Variants in SNX29 observed in about 807,000 individuals in gnomAD.
SNX29 encodes the protein sorting nexin 29.
SNX29 carries 78 observed loss-of-function variants against 102.1 expected under a neutral mutation model. That is an observed-to-expected ratio of 0.76 (90% CI 0.64 to 0.92). SNX29 has a LOEUF of 0.92. Ranked by LOEUF, SNX29 falls within the 40% of genes least tolerant of loss-of-function variation. The pLI is 0.00. For synonymous variants in SNX29, 580 were observed against 414.5 expected (o/e 1.40, Z -4.85); for missense variants, 1,280 against 1,061.7 (o/e 1.21, Z -2.86).
At chr16:12,528,499 C>A (rs1418848798) in intron 20 of SNX29, among the ~76,000 whole-genome samples, 2 of 152,220 alleles carry the variant, frequency 1.3e-5, no homozygotes, top group African/African-American at 4.8e-5. Context: ...CACCCCCAGC[C>A]TAGCTTCTCT....
chr16:12,180,241 G>A (rs1186836545), intron 13 of SNX29, among the ~76,000 whole-genome samples: 2 of 151,772 alleles, frequency 1.3e-5, no homozygotes, highest in African/African-American at 2.4e-5. Flanking sequence ...CTTCTAGGTT[G>A]GTCTTCATTT....
rs571521753 is a variant in SNX29 at position 12,555,010 on chromosome 16, A to T, written c.2319-13496A>T. ...GAGCACCTTTCTTTCTTGCAGAGGC[A>T]GGCAGGAGTGTGCCTGCCTGGTGCC... On this transcript the variant is annotated intron_variant, in intron 20 of 20. Coordinates refer to ENST00000566228, the MANE Select transcript of SNX29 (RefSeq NM_032167.5). 1.4e-4 allele frequency among the ~76,000 whole-genome samples: 21 copies of T among 152,164 alleles called. No individual in the cohort carries two copies. The East Asian group carries it at 3.1e-3, about 23-fold the overall frequency.
chr16:12,031,603 G>T (rs997294861), intron 4 of SNX29, among the ~76,000 whole-genome samples: 1 of 151,214 alleles, frequency 6.6e-6, no homozygotes, highest in Non-Finnish European at 1.5e-5. Flanking sequence ...TCAGGAAATC[G>T]AGACCATCCT....
intron 13 of SNX29, among the ~76,000 whole-genome samples, chr16:12,157,156 G>A (rs1296624972): frequency 6.6e-6 from 1 of 152,172 alleles, no homozygotes; most frequent in East Asian, 1.9e-4. Context: ...ATGCCTCGCA[G>A]TCGCCTCGGA....
intron 4 of SNX29, among the ~76,000 whole-genome samples, chr16:12,037,791 G>GAA (rs3971422): frequency 3.6e-5 from 5 of 140,770 alleles, no homozygotes; most frequent in Non-Finnish European, 1.6e-5. Flanking sequence ...CGTCTCTACA[G>GAA]AAAAAAAAAA....
chr16:12,484,618 A>C (rs892022408), intron 19 of SNX29, among the ~76,000 whole-genome samples: 2 of 150,032 alleles, frequency 1.3e-5, no homozygotes, highest in African/African-American at 4.9e-5. Context: ...CTGGTGTCCT[A>C]AGACATCTAC....
At chr16:12,245,972 A>T (rs937153231) in intron 14 of SNX29, among the ~76,000 whole-genome samples, 1 of 152,196 alleles carries the variant, frequency 6.6e-6, no homozygotes, top group Non-Finnish European at 1.5e-5. Flanking sequence ...GATATTAACA[A>T]TGCTTAATGA....
At chr16:12,061,695 G>A (rs761139832) in intron 9 of SNX29, 49 bp downstream of exon 9, 10 of 1,507,240 alleles carry the variant, frequency 6.6e-6, no homozygotes, top group Middle Eastern at 1.7e-4. Context: ...CTTTGGCTTC[G>A]AGAACCAGCA....
At chr16:12,019,631 T>A (rs2056960559) in intron 3 of SNX29, among the ~76,000 whole-genome samples, 1 of 146,184 alleles carries the variant, frequency 6.8e-6, no homozygotes, top group South Asian at 2.1e-4. Context: ...TAGATATAGA[T>A]ATATAATTTT....
At chr16:12,237,035 T>C (rs2077956334) in intron 14 of SNX29, among the ~76,000 whole-genome samples, 2 of 152,136 alleles carry the variant, frequency 1.3e-5, no homozygotes, top group Admixed American at 6.5e-5. Flanking sequence ...GTCATTCTTA[T>C]AGAATATCTT....
chr16:12,568,463 T>A, intron 20 of SNX29, 43 bp from the exon 21 acceptor site: 1 of 1,603,730 alleles, frequency 6.2e-7, no homozygotes, highest in Non-Finnish European at 8.5e-7. Flanking sequence ...GTCATTTGCT[T>A]TTCATCCCCA....
At chr16:12,393,117 G>T (rs961080309) in intron 16 of SNX29, among the ~76,000 whole-genome samples, 1 of 152,206 alleles carries the variant, frequency 6.6e-6, no homozygotes, top group Non-Finnish European at 1.5e-5. Context: ...GAGTGAGAAA[G>T]TGACTCTGGA....
chr16:12,276,091 C>G (rs1418611524), intron 14 of SNX29, among the ~76,000 whole-genome samples: 1 of 151,930 alleles, frequency 6.6e-6, no homozygotes, highest in Non-Finnish European at 1.5e-5. Context: ...CAGGGTTTCT[C>G]CATGTTGGCC....
At chr16:12,327,958 A>G (rs2081171461) in intron 15 of SNX29, among the ~76,000 whole-genome samples, 1 of 152,074 alleles carries the variant, frequency 6.6e-6, no homozygotes, top group African/African-American at 2.4e-5. Context: ...GTGGAGTTGA[A>G]CCCCACCCGG....
intron 13 of SNX29, among the ~76,000 whole-genome samples, chr16:12,166,506 CAGCCG>C (rs1360350405): frequency 6.6e-6 from 1 of 152,200 alleles, no homozygotes; most frequent in Non-Finnish European, 1.5e-5. Flanking sequence ...GGGGCATAGG[CAGCCG>C]AGTCTTGTAG....
chr16:12,543,973 C>G (rs929883581), intron 20 of SNX29, among the ~76,000 whole-genome samples: 1 of 152,194 alleles, frequency 6.6e-6, no homozygotes, highest in African/African-American at 2.4e-5. Context: ...GAGAAATGGT[C>G]TCAGCCAAGG....
chr16:12,388,995 G>C (rs1017036142), intron 16 of SNX29, among the ~76,000 whole-genome samples: 1 of 152,228 alleles, frequency 6.6e-6, no homozygotes, highest in South Asian at 2.1e-4. Flanking sequence ...CAGACCTGCC[G>C]CTTAAACATC....
Position 12,483,630 on chromosome 16 carries a change from A to T in SNX29, c.2178+5771A>T, listed in dbSNP as rs117979011. On this transcript the variant is annotated intron_variant, in intron 19 of 20. Transcript: ENST00000566228. ...ACATCTGGCCCATTAACTTTTATATATCACAGGTGTGGGGTTTGTTTAGGC... is the reference window on the plus strand; with the variant it reads ...ACATCTGGCCCATTAACTTTTATATTTCACAGGTGTGGGGTTTGTTTAGGC... Among the ~76,000 whole-genome samples the T allele has an allele frequency of 2.1e-3, 322 of 152,212 alleles. 4 individuals are homozygous for T. The East Asian group carries it at 0.056, about 26-fold the overall frequency.
chr16:12,434,614 T>G (rs1371132095), intron 18 of SNX29, among the ~76,000 whole-genome samples: 2 of 152,100 alleles, frequency 1.3e-5, no homozygotes, highest in Non-Finnish European at 1.5e-5. Context: ...GGCCTTCCCA[T>G]AACCCACCCA....
Sources: allele counts gnomAD v4.1 joint callset (sites outside exome capture counted in the v4.1 genomes callset), GRCh38; gene constraint gnomAD v4.1.1; transcripts MANE v1.5; gene names NCBI Gene and HGNC (gene_info 2026-07-23, HGNC 2026-07-21).